B3GALT1: variants seen among roughly 807,000 people sequenced by gnomAD.
B3GALT1 encodes beta-1,3-galactosyltransferase 1.
B3GALT1 carries 10 observed loss-of-function variants against 23.2 expected under a neutral mutation model. That is an observed-to-expected ratio of 0.43 (90% CI 0.27 to 0.73). The LOEUF (loss-of-function observed/expected upper bound fraction) is 0.73, where lower values mean the gene tolerates loss of function less well. Ranked by LOEUF, B3GALT1 falls within the 30% of genes least tolerant of loss-of-function variation. The pLI is 0.21. For synonymous variants in B3GALT1, 156 were observed against 141.5 expected, an observed-to-expected ratio of 1.10 and a Z score of -0.73; for missense variants, 299 against 405.4, an observed-to-expected ratio of 0.74 and a Z score of 2.25.
chr2:167,588,288 TTCTTG>T (rs572199281), intron 2 of B3GALT1, among the ~76,000 whole-genome samples: 117 of 152,328 alleles, frequency 7.7e-4, no homozygotes, highest in African/African-American at 2.6e-3. Context: ...TGGTATATAT[TTCTTG>T]TCTTCTTTTC....
intron 1 of B3GALT1, among the ~76,000 whole-genome samples, chr2:167,293,784 G>A (rs1370646478): frequency 6.6e-6 from 1 of 152,150 alleles, no homozygotes; most frequent in Non-Finnish European, 1.5e-5. Flanking sequence ...GTGATTAAAA[G>A]GAGCTGTGGA....
chr2:167,860,279 T>G (rs1690072907), intron 4 of B3GALT1, among the ~76,000 whole-genome samples: 1 of 152,180 alleles, frequency 6.6e-6, no homozygotes, highest in African/African-American at 2.4e-5. Context: ...AGGATCTCTT[T>G]TCCCCTTTTC....
chr2:167,611,841 A>T (rs923108309), intron 2 of B3GALT1, among the ~76,000 whole-genome samples: 4 of 152,032 alleles, frequency 2.6e-5, no homozygotes, highest in Non-Finnish European at 5.9e-5. Flanking sequence ...GAAAAAAAAA[A>T]TTCCTTGTCA....
At chr2:167,753,538 G>A (rs1245168999) in intron 3 of B3GALT1, among the ~76,000 whole-genome samples, 1 of 152,196 alleles carries the variant, frequency 6.6e-6, no homozygotes, top group African/African-American at 2.4e-5. Context: ...GAGCTCTTGT[G>A]TCTCCACTGA....
intron 2 of B3GALT1, among the ~76,000 whole-genome samples, chr2:167,605,005 A>G (rs1297030371): frequency 6.6e-6 from 1 of 152,222 alleles, no homozygotes; most frequent in Non-Finnish European, 1.5e-5. Flanking sequence ...TGCACATTAC[A>G]GTGCGTACAA....
intron 2 of B3GALT1, among the ~76,000 whole-genome samples, chr2:167,567,218 G>C (rs759169447): frequency 6.6e-6 from 1 of 152,068 alleles, no homozygotes; most frequent in East Asian, 1.9e-4. Context: ...TTAGAAAACT[G>C]TATCTTAAAA....
At chr2:167,404,522 G>A (rs533735147) in intron 1 of B3GALT1, among the ~76,000 whole-genome samples, 3 of 152,184 alleles carry the variant, frequency 2.0e-5, no homozygotes, top group Non-Finnish European at 2.9e-5. Context: ...AGTATAACTC[G>A]TTTACCTGGT....
chr2:167,559,886 ATGTT>A (rs1683937178), intron 2 of B3GALT1, among the ~76,000 whole-genome samples: 1 of 152,216 alleles, frequency 6.6e-6, no homozygotes, highest in African/African-American at 2.4e-5. Flanking sequence ...ACTCTGCAGG[ATGTT>A]ATCCAGGAGA....
intron 2 of B3GALT1, among the ~76,000 whole-genome samples, chr2:167,558,966 A>C (rs377490049): frequency 2.0e-5 from 3 of 152,350 alleles, no homozygotes. Flanking sequence ...TGGTTCTCCC[A>C]GCACGCAGCT....
chr2:167,583,236 C>T (rs534087587), intron 2 of B3GALT1, among the ~76,000 whole-genome samples: 1 of 152,150 alleles, frequency 6.6e-6, no homozygotes, highest in African/African-American at 2.4e-5. Flanking sequence ...TTTTGTCCCC[C>T]CTTGTCCCTT....
chr2:167,805,578 A>G (rs10175233), intron 3 of B3GALT1, among the ~76,000 whole-genome samples: 31,900 of 152,120 alleles, frequency 0.21, 3,969 homozygotes, highest in African/African-American at 0.33. Flanking sequence ...CATTTATTAA[A>G]TAGGGAATCC....
At position 167,833,749 on chromosome 2, in the gene B3GALT1, A is replaced by G. The variant is rs569838484; in HGVS notation, c.-230+14956A>G. On this transcript the variant is annotated intron_variant, in intron 4 of 4. Coordinates refer to ENST00000392690, the MANE Select transcript of B3GALT1 (RefSeq NM_020981.4). ...ACTGGAGGATACGTGCTCAAACTAC[A>G]CAAATAGCTATTCTATCCATGAAAA... is the stretch of plus-strand genomic sequence containing the variant. Among the ~76,000 whole-genome samples, 61 of 152,342 alleles carry G rather than the reference A, an allele frequency of 4.0e-4. 1 individual carries two copies. The highest frequency in any genetic ancestry group is 3.9e-3 in the Admixed American group (59 of 15,298).
intron 2 of B3GALT1, among the ~76,000 whole-genome samples, chr2:167,619,457 C>T (rs1029888893): frequency 2.0e-5 from 3 of 152,032 alleles, no homozygotes; most frequent in African/African-American, 7.2e-5. Flanking sequence ...ATTCATTTGA[C>T]ATCCAGTGGA....
In B3GALT1 at chr2:167,837,866, A is replaced by C. The variant is rs1247368557; in HGVS notation, c.-230+19073A>C. Reference sequence around the variant, plus strand: ...TGCAATCAAACTAGAACTCAGGATTAAGAAACTCACTCAAAACCGCTCAAC... The same window carrying C: ...TGCAATCAAACTAGAACTCAGGATTCAGAAACTCACTCAAAACCGCTCAAC... On this transcript the variant is annotated intron_variant, in intron 4 of 4. Coordinates refer to ENST00000392690, the MANE Select transcript of B3GALT1 (RefSeq NM_020981.4). Among the ~76,000 whole-genome samples, 5 of 152,296 alleles carry C rather than the reference A, an allele frequency of 3.3e-5. No individual in the cohort carries two copies. The East Asian group carries it at 7.7e-4, about 23-fold the overall frequency.
At chr2:167,835,857 G>A (rs963888012) in intron 4 of B3GALT1, among the ~76,000 whole-genome samples, 82 of 152,204 alleles carry the variant, frequency 5.4e-4, no homozygotes, top group African/African-American at 1.6e-3. Context: ...AGACAGCAGC[G>A]TTCACGGTTC....
At chr2:167,404,188 C>T (rs1401594757) in intron 1 of B3GALT1, among the ~76,000 whole-genome samples, 3 of 152,018 alleles carry the variant, frequency 2.0e-5, no homozygotes, top group African/African-American at 7.2e-5. Flanking sequence ...AAAGGGGAGG[C>T]AGGTGCCAGG....
chr2:167,560,026 A>C (rs1331424851), intron 2 of B3GALT1, among the ~76,000 whole-genome samples: 5 of 152,202 alleles, frequency 3.3e-5, no homozygotes, highest in Non-Finnish European at 5.9e-5. Flanking sequence ...AGTTGAAATG[A>C]AGGAAAAAAT....
chr2:167,836,463 G>A (rs1398188211), intron 4 of B3GALT1, among the ~76,000 whole-genome samples: 3 of 152,110 alleles, frequency 2.0e-5, no homozygotes, highest in Admixed American at 6.6e-5. Context: ...GAAGCAAGAA[G>A]GGAAGTTTAG....
At chr2:167,421,193 T>A (rs537075523) in intron 1 of B3GALT1, among the ~76,000 whole-genome samples, 1 of 152,362 alleles carries the variant, frequency 6.6e-6, no homozygotes, top group East Asian at 1.9e-4. Flanking sequence ...ATATTTCTAA[T>A]GTAAATTAAT....
Sources: allele counts gnomAD v4.1 joint callset (sites outside exome capture counted in the v4.1 genomes callset), GRCh38; gene constraint gnomAD v4.1.1; transcripts MANE v1.5; gene names NCBI Gene and HGNC (gene_info 2026-07-23, HGNC 2026-07-21).